The following EQTN variants were observed in gnomAD, a reference collection of about 807,000 sequenced individuals.
The protein encoded by EQTN is Acrosome formation associated factor.
EQTN carries 29 observed loss-of-function variants against 26.9 expected under a neutral mutation model. The observed-to-expected ratio is 1.08, with a 90% CI of 0.80 to 1.47. EQTN has a LOEUF of 1.47. EQTN is among the 40% of genes most tolerant of loss of function. EQTN has a pLI of 0.00. For missense variants in EQTN, 391 were observed against 346.1 expected (o/e 1.13, Z -1.03); for synonymous variants, 129 against 120.0 (o/e 1.07, Z -0.49).
rs543767988 is a variant in EQTN at position 27,287,413 on chromosome 9, G to C, written c.482-1051C>G. On this transcript the variant is annotated intron_variant, in intron 6 of 7. Coordinates refer to ENST00000380032, the MANE Select transcript of EQTN (RefSeq NM_020641.3). ...GAATTGCTTTTCTGTCTCCTGAAAG[G>C]GTTTTTAATAAAGATGTGTGCTCAT... Among the ~76,000 whole-genome samples the C allele has an allele frequency of 4.6e-5, 7 of 152,188 alleles. No homozygotes were observed. In the South Asian group the frequency reaches 6.2e-4, roughly 14 times the overall value.
At position 27,285,133 on chromosome 9, in the gene EQTN, CTTTTTTTTTTTTTTT is replaced by C. The variant is rs201723057; in HGVS notation, c.636-176_636-162del. Among the ~76,000 whole-genome samples, 7 of 77,078 alleles carry C rather than the reference CTTTTTTTTTTTTTTT, an allele frequency of 9.1e-5. 1 individual carries two copies. In the South Asian group the frequency reaches 1.5e-3, roughly 16 times the overall value. 50.6% of individuals were successfully genotyped at this position (77,078 alleles called of 152,430 possible). ...GATATATAGTTTTTCTTTTCTTTTC[CTTTTTTTTTTTTTTT>C]TTTTTTTTTTTTTTGAGACAGAATC... is the stretch of plus-strand genomic sequence containing the variant. On this transcript the variant is annotated intron_variant, in intron 7 of 7. Coordinates refer to ENST00000380032, the MANE Select transcript of EQTN (RefSeq NM_020641.3).
In EQTN at chr9:27,291,198, G is replaced by GCA. The variant is rs554855279; in HGVS notation, c.377-136_377-135insTG. 768 of 603,976 alleles carry GCA rather than the reference G, an allele frequency of 1.3e-3. 3 individuals carry two copies. The African/African-American group carries it at 0.014, about 11-fold the overall frequency. The allele number at this position is 603,976 out of a possible 1,614,324, so 37.4% of individuals were successfully genotyped here. A position where few individuals can be genotyped will look rare whatever the true frequency, so the allele number is the denominator to read the frequency against. Reference sequence around the variant, plus strand: ...AGCTCCTATAATGTGTCAGACCTGTGGTTGGCACTAACTTATAGAAGTAAA... The same window carrying GCA: ...AGCTCCTATAATGTGTCAGACCTGTGCAGTTGGCACTAACTTATAGAAGTAAA... On this transcript the variant is annotated intron_variant, in intron 4 of 7. Coordinates refer to ENST00000380032, the MANE Select transcript of EQTN (RefSeq NM_020641.3).
At chr9:27,294,433 T>A in intron 2 of EQTN, 31 bp from the exon 3 acceptor site, 1 of 1,389,390 alleles carries the variant, frequency 7.2e-7, no homozygotes, top group Non-Finnish European at 1.0e-6. Context: ...CTTCAGCAAC[T>A]AGCTAAGTCA....
chr9:27,290,397 C>T (rs1404712907), intron 5 of EQTN, among the ~76,000 whole-genome samples: 2 of 152,134 alleles, frequency 1.3e-5, no homozygotes, highest in Admixed American at 6.5e-5. Context: ...GAAGGTGTTG[C>T]AACTACTGAT....
At chr9:27,286,062 C>T in intron 7 of EQTN, 147 bp downstream of exon 7, 1 of 777,650 alleles carries the variant, frequency 1.3e-6, no homozygotes, top group Non-Finnish European at 2.0e-6. Context: ...GTCCCGTGCT[C>T]CATCCGAATA....
intron 4 of EQTN, among the ~76,000 whole-genome samples, chr9:27,291,679 C>T (rs553786266): frequency 7.2e-5 from 11 of 152,044 alleles, no homozygotes; most frequent in African/African-American, 2.4e-4. Context: ...AAGGGGAATA[C>T]CAGGATGATC....
At position 27,284,805 on chromosome 9, in the gene EQTN, G is replaced by C. The variant is rs780528892; in HGVS notation, c.803C>G (p.Ser268Ter). 1 of 1,614,016 alleles carries C rather than the reference G, an allele frequency of 6.2e-7. No homozygotes were observed. The highest frequency in any genetic ancestry group is 8.5e-7 in the Non-Finnish European group (1 of 1,179,980). ...SDMRRSGTRT[S>*]ESKIMTDIIS... ...GATATCCGTCATTATCTTAGATTCT[G>C]ATGTTCTTGTGCCTGATCTTCTCAT... The change falls in exon 8 of 8, where the codon TCA becomes TGA. Residue 268 changes from serine (S) to a stop codon, truncating the protein, a stop_gained. Coordinates refer to ENST00000380032, the MANE Select transcript of EQTN (RefSeq NM_020641.3). LOFTEE classifies it low-confidence loss of function (END_TRUNC).
chr9:27,285,205 G>A (rs1371434265), intron 7 of EQTN, among the ~76,000 whole-genome samples: 8 of 123,352 alleles, frequency 6.5e-5, no homozygotes, highest in East Asian at 5.2e-4. Context: ...GTGCAGTGGC[G>A]CAATCTCGGC....
chr9:27,287,472 C>G (rs967854101), intron 6 of EQTN, among the ~76,000 whole-genome samples: 3 of 152,052 alleles, frequency 2.0e-5, no homozygotes, highest in Non-Finnish European at 4.4e-5. Flanking sequence ...ATGGTCAGAA[C>G]TAGAGAAGGG....
intron 6 of EQTN, among the ~76,000 whole-genome samples, chr9:27,287,354 T>C (rs1184115608): frequency 6.6e-6 from 1 of 152,238 alleles, no homozygotes; most frequent in African/African-American, 2.4e-5. Context: ...TTGGGAATAA[T>C]TAAACAAATT....
intron 3 of EQTN, among the ~76,000 whole-genome samples, chr9:27,293,299 A>G (rs1438070764): frequency 6.6e-6 from 1 of 152,190 alleles, no homozygotes; most frequent in African/African-American, 2.4e-5. Context: ...AGTCATCCTT[A>G]AATTCTGCTT....
chr9:27,288,169 G>A (rs1468621446), intron 6 of EQTN, among the ~76,000 whole-genome samples: 1 of 152,082 alleles, frequency 6.6e-6, no homozygotes, highest in African/African-American at 2.4e-5. Flanking sequence ...GAGGGGACAG[G>A]TCTTAGATAT....
chr9:27,292,360 G>T, intron 4 of EQTN, 41 bp downstream of exon 4: 2 of 1,332,670 alleles, frequency 1.5e-6, no homozygotes, highest in East Asian at 2.4e-5. Flanking sequence ...GTCACATAAT[G>T]ATATTCTCCA....
At chr9:27,296,193 C>G (rs1267047260) in intron 2 of EQTN, among the ~76,000 whole-genome samples, 1 of 152,088 alleles carries the variant, frequency 6.6e-6, no homozygotes, top group Non-Finnish European at 1.5e-5. Flanking sequence ...GTTCCAGCTA[C>G]TCGGAAGGCT....
rs1348984392 is a variant in EQTN at position 27,284,845 on chromosome 9, T to C, written c.763A>G (p.Thr255Ala). 1.2e-6 allele frequency: 2 copies of C among 1,614,172 alleles called. No individual in the cohort carries two copies. Among genetic ancestry groups the C allele is most frequent in the Admixed American group, 1.7e-5 (1 of 60,022 alleles). Reference sequence around the variant, plus strand: ...GATCTTCTCATATCTGAAGAAGTGGTACCCAAAAATGTGCTGCTCTCTGCA... The same window carrying C: ...GATCTTCTCATATCTGAAGAAGTGGCACCCAAAAATGTGCTGCTCTCTGCA... ...KSAESSTFLGTTSSDMRRSGT... is the reference protein window; with the variant it reads ...KSAESSTFLGATSSDMRRSGT... The change falls in exon 8 of 8, where the codon ACC becomes GCC. Residue 255 changes from threonine (T) to alanine (A), a missense_variant. Thr to Ala is a moderately conservative substitution (Grantham distance 58). Coordinates refer to ENST00000380032, the MANE Select transcript of EQTN (RefSeq NM_020641.3).
intron 1 of EQTN, 107 bp from the exon 2 acceptor site, chr9:27,296,845 A>T: frequency 6.4e-7 from 1 of 1,561,096 alleles, no homozygotes; most frequent in Non-Finnish European, 8.6e-7. Flanking sequence ...CAGAGATTTA[A>T]AATCTAAAAC....
chr9:27,288,442 C>T (rs1419334645), intron 6 of EQTN, among the ~76,000 whole-genome samples: 2 of 152,116 alleles, frequency 1.3e-5, no homozygotes, highest in Non-Finnish European at 2.9e-5. Flanking sequence ...TCCCAAAGTG[C>T]TAGGATTACA....
intron 6 of EQTN, among the ~76,000 whole-genome samples, chr9:27,288,375 G>A (rs1243087321): frequency 6.6e-6 from 1 of 151,978 alleles, no homozygotes; most frequent in Non-Finnish European, 1.5e-5. Context: ...AAATACTTTG[G>A]AAGATAGTTT....
Position 27,296,879 on chromosome 9 carries a change from T to C in EQTN, c.76+101A>G, listed in dbSNP as rs992491856. ...ACATACCATAGCTCCAACAATAAAG[T>C]TTATATCCTCCTGTAGAAAACTGCC... On this transcript the variant is annotated intron_variant, in intron 1 of 7. Coordinates refer to ENST00000380032, the MANE Select transcript of EQTN (RefSeq NM_020641.3). 14 of 1,558,904 alleles carry C rather than the reference T, an allele frequency of 9.0e-6. No individual in the cohort carries two copies. In the African/African-American group the frequency reaches 1.7e-4, roughly 19 times the overall value.
Sources: allele counts gnomAD v4.1 joint callset (sites outside exome capture counted in the v4.1 genomes callset), GRCh38; gene constraint gnomAD v4.1.1; transcripts MANE v1.5; gene names NCBI Gene and HGNC (gene_info 2026-07-23, HGNC 2026-07-21).